The following TOM1L1 variants were observed in gnomAD, a reference collection of about 807,000 sequenced individuals.
TOM1L1 encodes the protein TOM1-like protein 1.
TOM1L1 carries 64 observed loss-of-function variants against 63.4 expected under a neutral mutation model. The observed-to-expected ratio is 1.01, with a 90% confidence interval of 0.83 to 1.24. The LOEUF (loss-of-function observed/expected upper bound fraction) is 1.24, where lower values mean the gene tolerates loss of function less well. TOM1L1 is among the 50% of genes most tolerant of loss of function. TOM1L1 has a pLI of 0.00. For synonymous variants in TOM1L1, 166 were observed against 194.4 expected (o/e 0.85, Z 1.22); for missense variants, 536 against 567.0 (o/e 0.95, Z 0.55).
chr17:54,933,550 G>T (rs2048899107), intron 8 of TOM1L1, among the ~76,000 whole-genome samples: 1 of 152,200 alleles, frequency 6.6e-6, no homozygotes, highest in Non-Finnish European at 1.5e-5. Context: ...TTGAGACAGA[G>T]TCTTGTTCTG....
At chr17:54,935,093 A>G (rs915327688) in intron 8 of TOM1L1, among the ~76,000 whole-genome samples, 1 of 152,234 alleles carries the variant, frequency 6.6e-6, no homozygotes, top group African/African-American at 2.4e-5. Flanking sequence ...ACGCGTGAAG[A>G]GACCACCAAA....
At chr17:54,929,548 T>C (rs1328785220) in intron 7 of TOM1L1, among the ~76,000 whole-genome samples, 1 of 152,186 alleles carries the variant, frequency 6.6e-6, no homozygotes, top group Non-Finnish European at 1.5e-5. Flanking sequence ...AATAAAATAA[T>C]GCCACTGTAA....
At chr17:54,954,879 A>T (rs994818176) in intron 14 of TOM1L1, 1 of 152,224 alleles carries the variant, frequency 6.6e-6, no homozygotes, top group African/African-American at 2.4e-5. Flanking sequence ...TTTCTTGCAA[A>T]AAAAGTCCAA....
intron 8 of TOM1L1, among the ~76,000 whole-genome samples, chr17:54,930,710 C>T (rs35647022): frequency 0.21 from 31,453 of 151,802 alleles, 3,874 homozygotes; most frequent in Non-Finnish European, 0.28. Context: ...GGCATGGTCG[C>T]GCATGCCTGT....
At chr17:54,953,125 T>G (rs1413335009) in intron 14 of TOM1L1, 2 of 152,390 alleles carry the variant, frequency 1.3e-5, no homozygotes, top group Non-Finnish European at 2.9e-5. Flanking sequence ...ATGCCTGTAA[T>G]GCCAACACTT....
chr17:54,928,279 C>T (rs1417634030), intron 7 of TOM1L1, among the ~76,000 whole-genome samples: 1 of 151,928 alleles, frequency 6.6e-6, no homozygotes, highest in Non-Finnish European at 1.5e-5. Flanking sequence ...GTATGCCAGA[C>T]ACTGTGGGGT....
At chr17:54,955,109 T>C (rs1022399594) in intron 14 of TOM1L1, 1 of 152,196 alleles carries the variant, frequency 6.6e-6, no homozygotes, top group Admixed American at 6.5e-5. Flanking sequence ...TTCCAAACTC[T>C]GGAGATTAAT....
intron 11 of TOM1L1, among the ~76,000 whole-genome samples, chr17:54,940,894 A>T (rs2049023428): frequency 6.6e-6 from 1 of 152,220 alleles, no homozygotes. Context: ...CAATGTCAAT[A>T]GCTTTTTTCC....
At chr17:54,929,389 G>C (rs1394242638) in intron 7 of TOM1L1, among the ~76,000 whole-genome samples, 1 of 151,228 alleles carries the variant, frequency 6.6e-6, no homozygotes, top group Non-Finnish European at 1.5e-5. Flanking sequence ...AAAAAAAAAT[G>C]GGTTTGGGAG....
At chr17:54,938,158 GA>G (rs1307870246) in intron 10 of TOM1L1, 1 of 152,238 alleles carries the variant, frequency 6.6e-6, no homozygotes, top group Non-Finnish European at 1.5e-5. Flanking sequence ...AGAATTTTCA[GA>G]GGGGGAGGGA....
At chr17:54,936,045 C>T (rs1269926119) in intron 8 of TOM1L1, among the ~76,000 whole-genome samples, 2 of 151,904 alleles carry the variant, frequency 1.3e-5, no homozygotes, top group African/African-American at 2.4e-5. Context: ...ATTGCTTGAA[C>T]CCGGGAGGCA....
intron 3 of TOM1L1, among the ~76,000 whole-genome samples, chr17:54,910,508 C>T (rs1466823881): frequency 6.6e-6 from 1 of 152,140 alleles, no homozygotes; most frequent in Non-Finnish European, 1.5e-5. Context: ...AAGAAATACA[C>T]CTAGGGAGAG....
chr17:54,948,859 A>G (rs1333583233), intron 12 of TOM1L1, among the ~76,000 whole-genome samples: 1 of 152,206 alleles, frequency 6.6e-6, no homozygotes, highest in East Asian at 1.9e-4. Flanking sequence ...GCCTCTCTGT[A>G]GATTTAAATT....
At chr17:54,937,081 C>CTT (rs5821078) in intron 9 of TOM1L1, 28 bp from the exon 10 acceptor site, 19,751 of 1,346,570 alleles carry the variant, frequency 0.015, 1 homozygote, top group East Asian at 0.018. Context: ...CTACATGACA[C>CTT]TTTTTTTTTT....
Position 54,905,497 on chromosome 17 carries a change from A to G in TOM1L1, c.152A>G (p.Asp51Gly). ...IINTTQDGPK[D>G]AVKALKKRIS... ...TGTATTTATTGCTATAGGCCAAAAG[A>G]TGCAGTGAAAGCTTTGAAGAAAAGG... is the stretch of plus-strand genomic sequence containing the variant. Residue 51 changes from aspartate (D) to glycine (G), a missense_variant, in exon 3 of 16, where the codon GAT becomes GGT. Physicochemically the swap from Asp to Gly is moderately conservative, Grantham distance 94. Coordinates refer to ENST00000575882, the MANE Select transcript of TOM1L1 (RefSeq NM_005486.3). 3 of 1,611,032 alleles carry G rather than the reference A, an allele frequency of 1.9e-6. No individual in the cohort carries two copies. The highest frequency in any genetic ancestry group is 1.1e-5 in the South Asian group (1 of 90,262).
chr17:54,926,944 G>T (rs140898096), intron 7 of TOM1L1, among the ~76,000 whole-genome samples: 1 of 152,196 alleles, frequency 6.6e-6, no homozygotes. Flanking sequence ...CTAACCTATT[G>T]TGTTTTCATG....
At chr17:54,955,370 C>T (rs536260043) in intron 14 of TOM1L1, among the ~76,000 whole-genome samples, 5 of 152,286 alleles carry the variant, frequency 3.3e-5, no homozygotes, top group Admixed American at 2.0e-4. Context: ...AAAGCACACA[C>T]ACTGTTCATG....
At chr17:54,904,238 C>T (rs1390391938) in intron 2 of TOM1L1, among the ~76,000 whole-genome samples, 2 of 151,870 alleles carry the variant, frequency 1.3e-5, no homozygotes, top group Non-Finnish European at 2.9e-5. Context: ...GGCATGGTGG[C>T]GGGTGCCTGT....
At chr17:54,922,105 A>T (rs1008167290) in intron 7 of TOM1L1, among the ~76,000 whole-genome samples, 1 of 151,904 alleles carries the variant, frequency 6.6e-6, no homozygotes, top group African/African-American at 2.4e-5. Context: ...ATCCTGGCTA[A>T]TACAGTGAAA....
Sources: allele counts gnomAD v4.1 joint callset (sites outside exome capture counted in the v4.1 genomes callset), GRCh38; gene constraint gnomAD v4.1.1; transcripts MANE v1.5; gene names NCBI Gene and HGNC (gene_info 2026-07-23, HGNC 2026-07-21).